The following GHR variants were observed in gnomAD, a reference collection of about 807,000 sequenced individuals.
The protein encoded by GHR is growth hormone receptor, also known as GH receptor.
Under a neutral mutation model 67.1 loss-of-function variants are expected in GHR, and 35 were observed. The ratio of observed to expected loss-of-function variants is 0.52; its 90% CI spans 0.40 to 0.69. The LOEUF is 0.69. Among genes scored for constraint, GHR ranks in the 30% least tolerant of loss-of-function variants. GHR has a pLI of 0.00. For missense variants in GHR, 792 were observed against 764.6 expected (o/e 1.04, Z -0.42); for synonymous variants, 272 against 269.1 (o/e 1.01, Z -0.10).
intron 1 of GHR, among the ~76,000 whole-genome samples, chr5:42,495,800 G>C (rs1746298944): frequency 6.6e-6 from 1 of 152,130 alleles, no homozygotes; most frequent in Admixed American, 6.6e-5. Context: ...AGCTCTACAA[G>C]TCTCCATTAT....
rs113240038 is a variant in GHR, at chr5:42,447,704, T to TCTCC, written c.-12+23765_-12+23768dup. Among the ~76,000 whole-genome samples the TCTCC allele has an allele frequency of 9.7e-3, 1,154 of 119,228 alleles. 5 individuals are homozygous for TCTCC. The highest frequency in any genetic ancestry group is 0.017 in the Middle Eastern group (4 of 236). 78.2% of individuals were successfully genotyped at this position (119,228 alleles called of 152,430 possible). A position where few individuals can be genotyped will look rare whatever the true frequency, so the allele number is the denominator to read the frequency against. On this transcript the variant is annotated intron_variant, in intron 1 of 9. Transcript: ENST00000230882. ...CCCTCCCTCCCTCCCTCCCTCTATC[T>TCTCC]CTCCCTCCCTCCCTCCCTCTCTCTC... is the stretch of plus-strand genomic sequence containing the variant.
chr5:42,618,322 T>C (rs1430092264), intron 2 of GHR, among the ~76,000 whole-genome samples: 3 of 152,114 alleles, frequency 2.0e-5, no homozygotes, highest in African/African-American at 4.8e-5. Flanking sequence ...TTCAAGTATG[T>C]GAGGGGAGCT....
At chr5:42,484,305 A>T (rs1468009819) in intron 1 of GHR, among the ~76,000 whole-genome samples, 1 of 152,216 alleles carries the variant, frequency 6.6e-6, no homozygotes, top group African/African-American at 2.4e-5. Context: ...AACTAAAAAT[A>T]TGATTCATAT....
chr5:42,685,038 C>A (rs1757071389), intron 3 of GHR, among the ~76,000 whole-genome samples: 2 of 152,192 alleles, frequency 1.3e-5, no homozygotes, highest in South Asian at 4.2e-4. Context: ...TGGTTTGCTG[C>A]ACCCACCAAC....
At chr5:42,473,147 C>G (rs1162242691) in intron 1 of GHR, among the ~76,000 whole-genome samples, 1 of 152,120 alleles carries the variant, frequency 6.6e-6, no homozygotes, top group East Asian at 1.9e-4. Flanking sequence ...CCAGAATTCA[C>G]CCTAACTGGG....
chr5:42,568,676 G>A (rs922730698), intron 2 of GHR, among the ~76,000 whole-genome samples: 26 of 152,136 alleles, frequency 1.7e-4, no homozygotes, highest in African/African-American at 5.8e-4. Context: ...AAGTAAGCAA[G>A]CCCCTGCCTT....
At chr5:42,595,864 C>G (rs567983537) in intron 2 of GHR, among the ~76,000 whole-genome samples, 1 of 152,224 alleles carries the variant, frequency 6.6e-6, no homozygotes, top group Non-Finnish European at 1.5e-5. Context: ...GTAAGGAGAT[C>G]TGGCTGACGT....
chr5:42,541,888 T>A (rs973374499), intron 1 of GHR, among the ~76,000 whole-genome samples: 1 of 152,150 alleles, frequency 6.6e-6, no homozygotes, highest in Non-Finnish European at 1.5e-5. Flanking sequence ...AATGAATAGA[T>A]TAGGAAGTAA....
Position 42,718,960 on chromosome 5 carries a change from G to T in GHR, c.1453G>T (p.Asp485Tyr). The T allele has an allele frequency of 6.2e-7, 1 of 1,613,374 alleles. No individual in the cohort carries two copies. Among genetic ancestry groups the T allele is most frequent in the South Asian group, 1.1e-5 (1 of 91,024 alleles). Residue 485 changes from aspartate (D) to tyrosine (Y), a missense_variant, in exon 10 of 10, where the codon GAC becomes TAC. Asp to Tyr is a radical substitution (Grantham distance 160). Transcript: ENST00000230882. ...CAATCCAAGTTCACTGTCAAACATC[G>T]ACTTTTATGCCCAGGTGAGCGACAT... ...LSNPSSLSNI[D>Y]FYAQVSDITP...
chr5:42,656,516 G>A (rs1001003557), intron 3 of GHR, among the ~76,000 whole-genome samples: 1 of 151,958 alleles, frequency 6.6e-6, no homozygotes. Flanking sequence ...TTGCACTCCT[G>A]TCCATCCCCC....
At chr5:42,476,992 A>G (rs1367418485) in intron 1 of GHR, among the ~76,000 whole-genome samples, 1 of 150,420 alleles carries the variant, frequency 6.6e-6, no homozygotes, top group East Asian at 2.0e-4. Context: ...TTAACTCGTC[A>G]TTTAGCGTTA....
chr5:42,697,000 T>C (rs1476760885), intron 5 of GHR, among the ~76,000 whole-genome samples: 1 of 152,166 alleles, frequency 6.6e-6, no homozygotes, highest in African/African-American at 2.4e-5. Context: ...AAACGTAGAT[T>C]GGAGTGGGAC....
Position 42,629,927 on chromosome 5 carries a change from G to T in GHR, c.136+824G>T, listed in dbSNP as rs950746565. On this transcript the variant is annotated intron_variant, in intron 3 of 9. Coordinates refer to ENST00000230882, the MANE Select transcript of GHR (RefSeq NM_000163.5). ...TTAAGCTTCAAAATTATGCCTTATT[G>T]TAAGCTCTTTCTTAACCTTAAAATG... Among the ~76,000 whole-genome samples, 14 of 131,634 alleles carry T rather than the reference G, an allele frequency of 1.1e-4. 5 individuals are homozygous for T. The highest frequency in any genetic ancestry group is 8.8e-4 in the Admixed American group (12 of 13,656). 86.4% of individuals were successfully genotyped at this position (131,634 alleles called of 152,430 possible). A position where few individuals can be genotyped will look rare whatever the true frequency, so the allele number is the denominator to read the frequency against.
intron 1 of GHR, among the ~76,000 whole-genome samples, chr5:42,500,740 G>A (rs186051409): frequency 6.6e-6 from 1 of 152,118 alleles, no homozygotes; most frequent in Non-Finnish European, 1.5e-5. Flanking sequence ...GCCTACTAAG[G>A]CCACAAGAAC....
intron 1 of GHR, among the ~76,000 whole-genome samples, chr5:42,433,290 G>A (rs1313780450): frequency 1.3e-5 from 2 of 152,050 alleles, no homozygotes; most frequent in East Asian, 3.9e-4. Flanking sequence ...CATATAGGGA[G>A]AGAATTATTT....
intron 1 of GHR, among the ~76,000 whole-genome samples, chr5:42,460,949 T>C (rs1744463254): frequency 6.6e-6 from 1 of 152,210 alleles, no homozygotes; most frequent in African/African-American, 2.4e-5. Flanking sequence ...GGATCCCATA[T>C]TCCCAAAGGT....
chr5:42,629,024 T>C lies in GHR; in HGVS notation c.71-14T>C, dbSNP rs1205544869. 7.6e-7 allele frequency: 1 copy of C among 1,322,484 alleles called. No individual in the cohort carries two copies. Among genetic ancestry groups the C allele is most frequent in the African/African-American group, 1.8e-5 (1 of 54,094 alleles). 81.9% of individuals were successfully genotyped at this position (1,322,484 alleles called of 1,614,324 possible). On this transcript the variant is annotated splice_polypyrimidine_tract_variant and intron_variant, in intron 2 of 9. Coordinates refer to ENST00000230882, the MANE Select transcript of GHR (RefSeq NM_000163.5). ...ATGGGGATGACTAATGGTTTTCTTCTCTTTCTGTTTCAGCCACAGCAGCTA... is the reference window on the plus strand; with the variant it reads ...ATGGGGATGACTAATGGTTTTCTTCCCTTTCTGTTTCAGCCACAGCAGCTA...
chr5:42,593,361 G>A (rs1340808952), intron 2 of GHR, among the ~76,000 whole-genome samples: 1 of 152,182 alleles, frequency 6.6e-6, no homozygotes, highest in Non-Finnish European at 1.5e-5. Context: ...TTAGGCCAAT[G>A]GAAACTGTCT....
At chr5:42,573,021 G>A (rs1186288803) in intron 2 of GHR, among the ~76,000 whole-genome samples, 1 of 152,160 alleles carries the variant, frequency 6.6e-6, no homozygotes, top group Non-Finnish European at 1.5e-5. Flanking sequence ...TGAACAAAAT[G>A]ACCATTCCAT....
Sources: gnomAD v4.1 joint callset for allele counts (sites outside exome capture counted in the v4.1 genomes callset) on GRCh38, gnomAD v4.1.1 for gene constraint, MANE v1.5 for transcripts, NCBI Gene and HGNC (gene_info 2026-07-23, HGNC 2026-07-21) for gene names.